The following L3MBTL4 variants were observed in gnomAD, a reference collection of about 807,000 sequenced individuals.
L3MBTL4 encodes lethal(3)malignant brain tumor-like protein 4.
A neutral mutation model predicts 84.5 loss-of-function variants in L3MBTL4; 70 were observed. The ratio of observed to expected loss-of-function variants is 0.83; its 90% CI spans 0.68 to 1.01. L3MBTL4 has a LOEUF of 1.01. L3MBTL4 is among the 50% of genes least tolerant of loss of function. The pLI, the probability that L3MBTL4 is intolerant of heterozygous loss-of-function variation, is 0.00. For synonymous variants in L3MBTL4, 274 were observed against 259.8 expected (o/e 1.05, Z -0.52); for missense variants, 715 against 754.8 (o/e 0.95, Z 0.62).
chr18:6,182,743 C>G (rs762964734), intron 12 of L3MBTL4, among the ~76,000 whole-genome samples: 1 of 152,150 alleles, frequency 6.6e-6, no homozygotes, highest in Non-Finnish European at 1.5e-5. Flanking sequence ...GGTCTAGTTT[C>G]AATCTTCTGC....
At chr18:6,022,001 T>A (rs746138654) in intron 16 of L3MBTL4, among the ~76,000 whole-genome samples, 2 of 152,262 alleles carry the variant, frequency 1.3e-5, no homozygotes, top group African/African-American at 2.4e-5. Flanking sequence ...TCTCTATTAA[T>A]CCCAAATGTT....
intron 14 of L3MBTL4, among the ~76,000 whole-genome samples, chr18:6,129,675 T>C (rs954364471): frequency 1.5e-4 from 23 of 152,210 alleles, no homozygotes; most frequent in African/African-American, 4.8e-4. Context: ...AGTGCTAGAG[T>C]GATAGTTATA....
intron 14 of L3MBTL4, among the ~76,000 whole-genome samples, chr18:6,095,975 C>T (rs911578294): frequency 6.6e-6 from 1 of 152,126 alleles, no homozygotes; most frequent in Non-Finnish European, 1.5e-5. Flanking sequence ...CAAAGACAGC[C>T]GAGTTTTCAT....
chr18:6,177,883 T>A (rs1410495041), intron 12 of L3MBTL4, among the ~76,000 whole-genome samples: 2 of 152,182 alleles, frequency 1.3e-5, no homozygotes, highest in Non-Finnish European at 2.9e-5. Flanking sequence ...AAGAAATAAA[T>A]TTCCCAAGCT....
intron 14 of L3MBTL4, among the ~76,000 whole-genome samples, chr18:6,126,255 T>C (rs2059691292): frequency 6.6e-6 from 1 of 152,216 alleles, no homozygotes; most frequent in African/African-American, 2.4e-5. Flanking sequence ...GTATTGACCA[T>C]AGACTAATCT....
At chr18:6,299,259 T>G (rs1350884845) in intron 4 of L3MBTL4, among the ~76,000 whole-genome samples, 1 of 152,186 alleles carries the variant, frequency 6.6e-6, no homozygotes, top group Non-Finnish European at 1.5e-5. Context: ...AAAATCTAGT[T>G]CAGCCAGTCT....
intron 16 of L3MBTL4, among the ~76,000 whole-genome samples, chr18:6,026,278 C>T (rs962958872): frequency 7.9e-5 from 12 of 152,160 alleles, no homozygotes; most frequent in Non-Finnish European, 1.5e-5. Flanking sequence ...GTGGGTGCCC[C>T]TTTGACCATT....
intron 1 of L3MBTL4, among the ~76,000 whole-genome samples, chr18:6,347,648 G>T (rs1599729445): frequency 1.3e-5 from 2 of 151,346 alleles, no homozygotes; most frequent in Non-Finnish European, 3.0e-5. Context: ...TTATGAAACA[G>T]AAATAGACAA....
chr18:6,385,248 A>G (rs930314414), intron 1 of L3MBTL4, among the ~76,000 whole-genome samples: 1 of 151,884 alleles, frequency 6.6e-6, no homozygotes, highest in Non-Finnish European at 1.5e-5. Context: ...AAAAATATAT[A>G]GTATTTGGCT....
chr18:5,988,138 C>T (rs1002849930), intron 16 of L3MBTL4, among the ~76,000 whole-genome samples: 2 of 152,196 alleles, frequency 1.3e-5, no homozygotes, highest in Non-Finnish European at 2.9e-5. Context: ...GCCAAGACAA[C>T]GTAGTCCATC....
chr18:6,108,389 C>T (rs1307451676), intron 14 of L3MBTL4, among the ~76,000 whole-genome samples: 1 of 152,088 alleles, frequency 6.6e-6, no homozygotes, highest in Non-Finnish European at 1.5e-5. Context: ...AAAACAGTTA[C>T]AATAGAAATT....
intron 13 of L3MBTL4, among the ~76,000 whole-genome samples, chr18:6,147,186 C>A (rs2042692337): frequency 6.6e-6 from 1 of 151,900 alleles, no homozygotes; most frequent in Non-Finnish European, 1.5e-5. Flanking sequence ...CCCTGCCACC[C>A]CACAGGAAAT....
chr18:6,001,106 C>T (rs894483611), intron 16 of L3MBTL4, among the ~76,000 whole-genome samples: 5 of 152,332 alleles, frequency 3.3e-5, no homozygotes, highest in South Asian at 2.1e-4. Flanking sequence ...TTGCATGTGG[C>T]TTTCAAGAAC....
At chr18:6,256,860 G>C (rs1410534960) in intron 5 of L3MBTL4, 1 of 152,400 alleles carries the variant, frequency 6.6e-6, no homozygotes, top group African/African-American at 2.4e-5. Flanking sequence ...ATAGAGGACT[G>C]TGGTCGAACC....
intron 16 of L3MBTL4, among the ~76,000 whole-genome samples, chr18:6,015,306 G>T (rs2054916048): frequency 6.6e-6 from 1 of 151,972 alleles, no homozygotes; most frequent in Admixed American, 6.6e-5. Flanking sequence ...AAGAAGAAGG[G>T]GCGGTTATGT....
intron 13 of L3MBTL4, among the ~76,000 whole-genome samples, chr18:6,148,514 T>G (rs1251485094): frequency 1.3e-5 from 2 of 152,124 alleles, no homozygotes; most frequent in Non-Finnish European, 2.9e-5. Context: ...CAGCATCAAC[T>G]TCCTGGGCTC....
In L3MBTL4 at chr18:6,055,167, TCCCAA is replaced by T. The variant is rs1173921526; in HGVS notation, c.1444+25709_1444+25713del. Among the ~76,000 whole-genome samples, 5 of 152,358 alleles carry T rather than the reference TCCCAA, an allele frequency of 3.3e-5. No individual in the cohort carries two copies. In the South Asian group the frequency reaches 1.0e-3, roughly 32 times the overall value. ...TATGAAAGAGAAACCATTTTAGTCA[TCCCAA>T]CTTCTCTTATGAATTTCCTAGATGT... On this transcript the variant is annotated intron_variant, in intron 16 of 18. Transcript: ENST00000317931.
chr18:6,278,907 C>T (rs2049203125), intron 4 of L3MBTL4, among the ~76,000 whole-genome samples: 1 of 151,466 alleles, frequency 6.6e-6, no homozygotes. Flanking sequence ...TTTTCCCCTT[C>T]TTGTTTAGTA....
intron 4 of L3MBTL4, among the ~76,000 whole-genome samples, chr18:6,289,440 A>G (rs58808980): frequency 0.19 from 28,771 of 152,140 alleles, 2,861 homozygotes; most frequent in African/African-American, 0.24. Context: ...AAACTGCGCA[A>G]TTCCTATTCC....
Sources: gnomAD v4.1 joint callset for allele counts (sites outside exome capture counted in the v4.1 genomes callset) on GRCh38, gnomAD v4.1.1 for gene constraint, MANE v1.5 for transcripts, NCBI Gene and HGNC (gene_info 2026-07-23, HGNC 2026-07-21) for gene names.